Variants in PAPLN observed in about 807,000 individuals in gnomAD.
PAPLN encodes the protein papilin.
A neutral mutation model predicts 159.0 loss-of-function variants in PAPLN; 146 were observed. The ratio of observed to expected loss-of-function variants is 0.92; its 90% CI spans 0.80 to 1.05. The LOEUF is 1.05. PAPLN is among the 50% of genes least tolerant of loss of function. The pLI is 0.00. For synonymous variants in PAPLN, 734 were observed against 702.9 expected, an observed-to-expected ratio of 1.04 and a Z score of -0.70; for missense variants, 1,720 against 1,743.9, an observed-to-expected ratio of 0.99 and a Z score of 0.24.
chr14:73,260,740 G>A lies in PAPLN; in HGVS notation c.2017G>A (p.Ala673Thr), dbSNP rs59350887. Reference sequence around the variant, plus strand: ...GTGCTGCCCTGACAGGGTATCTGTCGCTGAGGGGCCCCATCACGCTGGCTG... The same window carrying A: ...GTGCTGCCCTGACAGGGTATCTGTCACTGAGGGGCCCCATCACGCTGGCTG... Reference protein sequence around the residue: ...YGCCPDRVSVAEGPHHAGCTK... With the variant: ...YGCCPDRVSVTEGPHHAGCTK... Residue 673 changes from alanine (A) to threonine (T), a missense_variant, in exon 17 of 27, where the codon GCT becomes ACT. Transcript: ENST00000644200. 1.1e-3 allele frequency: 1,602 copies of A among 1,474,248 alleles called. 24 individuals are homozygous for A. The African/African-American group carries it at 0.021, about 19-fold the overall frequency. 91.3% of individuals were successfully genotyped at this position (1,474,248 alleles called of 1,614,324 possible).
upstream of PAPLN, among the ~76,000 whole-genome samples, chr14:73,236,954 A>T (rs552911212): frequency 2.8e-5 from 4 of 140,570 alleles, no homozygotes; most frequent in South Asian, 8.5e-4. Flanking sequence ...AGGAAAGTAG[A>T]AAGAAAGAAA....
At position 73,254,927 on chromosome 14, in the gene PAPLN, C is replaced by T. The variant is rs73306804; in HGVS notation, c.1536C>T (p.Ala512=). The change falls in exon 14 of 27, where the codon GCC becomes GCT. Residue 512 remains alanine (A), a synonymous_variant. Transcript: ENST00000644200. ...SGTRRRQVIC[A]IGPPSHCGSL... ...CTCGGAGGCGACAGGTCATCTGTGC[C>T]ATTGGGCCGCCCAGCCACTGCGGGA... The T allele has an allele frequency of 3.3e-3, 5,365 of 1,613,426 alleles. 118 individuals carry two copies. The African/African-American group carries it at 0.051, about 15-fold the overall frequency.
Position 73,248,780 on chromosome 14 carries a change from C to T in PAPLN, c.335-1204C>T, listed in dbSNP as rs180879915. Among the ~76,000 whole-genome samples the T allele has an allele frequency of 3.8e-3, 578 of 152,082 alleles. 10 individuals are homozygous for T. The highest frequency in any genetic ancestry group is 1.6e-3 in the Non-Finnish European group (111 of 68,002). On this transcript the variant is annotated intron_variant, in intron 5 of 26. Coordinates refer to ENST00000644200, the MANE Select transcript of PAPLN (RefSeq NM_001365906.3). Reference sequence around the variant, plus strand: ...GAGGCTGCAGTGAGTCAAGATCACACCACTGCACTCCAGCCCGGACGACAG... The same window carrying T: ...GAGGCTGCAGTGAGTCAAGATCACATCACTGCACTCCAGCCCGGACGACAG...
rs1424170782 is a variant in PAPLN at position 73,262,685 on chromosome 14, G to A, written c.2581G>A (p.Asp861Asn). The change falls in exon 19 of 27, where the codon GAC becomes AAC. Residue 861 changes from aspartate to asparagine, a missense_variant. Coordinates refer to ENST00000644200, the MANE Select transcript of PAPLN (RefSeq NM_001365906.3). ...PWPSGGLWRQ[D>N]QQPGPGEAPH... Reference sequence around the variant, plus strand: ...GCCTTCTGGTGGTCTCTGGCGGCAAGACCAACAGCCTGGGCCAGGGGAGGC... The same window carrying A: ...GCCTTCTGGTGGTCTCTGGCGGCAAAACCAACAGCCTGGGCCAGGGGAGGC... 2.0e-6 allele frequency: 3 copies of A among 1,512,082 alleles called. No individual in the cohort carries two copies. Among genetic ancestry groups the A allele is most frequent in the Non-Finnish European group, 2.7e-6 (3 of 1,130,294 alleles). The allele number at this position is 1,512,082 out of a possible 1,614,324, so 93.7% of individuals were successfully genotyped here.
chr14:73,251,688 AC>A lies in PAPLN; in HGVS notation c.696del (p.Tyr233ThrfsTer239). On this transcript the variant is annotated frameshift_variant, in exon 9 of 27. Coordinates refer to ENST00000644200, the MANE Select transcript of PAPLN (RefSeq NM_001365906.3). LOFTEE classifies it high-confidence loss of function. ...FLAVKNVRGE[Y>X]YLNGHWTIEA... ...GCTGTGAAGAATGTTCGTGGGGAATACTACCTCAATGGGCACTGGACCATCG... is the reference window on the plus strand; with the variant it reads ...GCTGTGAAGAATGTTCGTGGGGAATATACCTCAATGGGCACTGGACCATCG... 6.2e-7 allele frequency: 1 copy of A among 1,613,444 alleles called. No individual in the cohort carries two copies. The highest frequency in any genetic ancestry group is 8.5e-7 in the Non-Finnish European group (1 of 1,179,996).
Position 73,252,776 on chromosome 14 carries a change from G to A in PAPLN, c.1094+1G>A, listed in dbSNP as rs143783319. ...TTCACCCTTGCCCGGAGACCAAGCG[G>A]TGAGACCTTGCCAGCCCCTCTACCC... On this transcript the variant is annotated splice_donor_variant, in intron 11 of 26. Transcript: ENST00000644200. LOFTEE classifies it high-confidence loss of function. The A allele has an allele frequency of 8.2e-4, 1,325 of 1,613,226 alleles. 6 individuals are homozygous for A. Among genetic ancestry groups the A allele is most frequent in the Middle Eastern group, 4.5e-3 (27 of 6,060 alleles).
In PAPLN at chr14:73,264,607, G is replaced by A. The variant is rs140801905; in HGVS notation, c.3006G>A (p.Leu1002=). 97 of 1,602,716 alleles carry A rather than the reference G, an allele frequency of 6.1e-5. No individual in the cohort carries two copies. The highest frequency in any genetic ancestry group is 1.7e-4 in the Middle Eastern group (1 of 6,026). Residue 1002 remains leucine (L), a synonymous_variant, in exon 22 of 27, where the codon CTG becomes CTA. Coordinates refer to ENST00000644200, the MANE Select transcript of PAPLN (RefSeq NM_001365906.3). ...LRIIGGDMAV[L]SEAELSRFPQ... is the part of the protein sequence containing the mutation. ...TGACAGGGGGTGACATGGCCGTGCTGTCTGAGGCTGAGCTGAGCCGCTTCC... is the reference window on the plus strand; with the variant it reads ...TGACAGGGGGTGACATGGCCGTGCTATCTGAGGCTGAGCTGAGCCGCTTCC...
rs376512934 is a variant in PAPLN, at chr14:73,260,701, C to T, written c.1986-8C>T. On this transcript the variant is annotated splice_polypyrimidine_tract_variant and splice_region_variant and intron_variant, in intron 16 of 26. Coordinates refer to ENST00000644200, the MANE Select transcript of PAPLN (RefSeq NM_001365906.3). The stretch of plus-strand genomic sequence containing the variant: ...TGGGCAGTGAGGGGCTGTGTGATGT[C>T]TGCCTAGGTACGGGTGCTGCCCTGA... 19 of 1,452,668 alleles carry T rather than the reference C, an allele frequency of 1.3e-5. No homozygotes were observed. Among genetic ancestry groups the T allele is most frequent in the Admixed American group, 5.3e-5 (2 of 37,650 alleles). 90.0% of individuals were successfully genotyped at this position (1,452,668 alleles called of 1,614,324 possible).
At chr14:73,256,219 C>T (rs1388441631) in intron 14 of PAPLN, among the ~76,000 whole-genome samples, 1 of 152,094 alleles carries the variant, frequency 6.6e-6, no homozygotes, top group Non-Finnish European at 1.5e-5. Flanking sequence ...CAGGGACTAG[C>T]AGGACCCATA....
rs1884110002 is a variant in PAPLN at position 73,245,423 on chromosome 14, G to C, written c.171-213G>C. ...GTCCCGCCTTAAATCCAAACTATAG[G>C]GTGGGTAGGGCTCTGAGTCCCGCTT... On this transcript the variant is annotated intron_variant, in intron 3 of 26. Transcript: ENST00000644200. The surrounding 1 kb of genome is among the most constrained non-coding windows in gnomAD (Gnocchi z 4.2). The C allele has an allele frequency of 3.5e-6, 2 of 579,684 alleles. No individual in the cohort carries two copies. The highest frequency in any genetic ancestry group is 1.9e-5 in the African/African-American group (1 of 53,224). The allele number at this position is 579,684 out of a possible 1,614,324, so 35.9% of individuals were successfully genotyped here.
At chr14:73,244,128 A>AT (rs879444334) in intron 2 of PAPLN, 31 of 156,366 alleles carry the variant, frequency 2.0e-4, no homozygotes, top group Admixed American at 1.2e-3. Flanking sequence ...CAGGAAATGT[A>AT]TTTTTTTTTT....
intron 18 of PAPLN, 72 bp from the exon 19 acceptor site, chr14:73,262,278 G>A: frequency 7.0e-7 from 1 of 1,427,190 alleles, no homozygotes; most frequent in Non-Finnish European, 9.6e-7. Flanking sequence ...CTGAGTCGGA[G>A]GCTGAGAGGA....
Position 73,245,669 on chromosome 14 carries a change from C to T in PAPLN, c.204C>T (p.Ala68=). ...GAGGCTCCAGCTGCGTGGGCCCCGC[C>T]CGGAGCCACCGCTCTTGTCGCACGG... The part of the protein sequence containing the change: ...RDGGSSCVGP[A]RSHRSCRTES... The change falls in exon 4 of 27, where the codon GCC becomes GCT. Residue 68 remains alanine (A), a synonymous_variant. Coordinates refer to ENST00000644200, the MANE Select transcript of PAPLN (RefSeq NM_001365906.3). The surrounding 1 kb of genome is among the most constrained non-coding windows in gnomAD (Gnocchi z 4.2). 1 of 1,556,076 alleles carries T rather than the reference C, an allele frequency of 6.4e-7. No individual in the cohort carries two copies. The highest frequency in any genetic ancestry group is 8.7e-7 in the Non-Finnish European group (1 of 1,152,800).
chr14:73,240,744 A>G (rs1315264374), intron 2 of PAPLN, among the ~76,000 whole-genome samples: 1 of 152,202 alleles, frequency 6.6e-6, no homozygotes, highest in African/African-American at 2.4e-5. Context: ...GGCTCTCTGG[A>G]GAAGGTCCCT....
At chr14:73,263,491 C>G (rs894074270) in intron 19 of PAPLN, 154 bp from the exon 20 acceptor site, 17 of 922,042 alleles carry the variant, frequency 1.8e-5, no homozygotes, top group South Asian at 1.1e-4. Flanking sequence ...AATCCATGGG[C>G]TTCTGGGGCT....
chr14:73,267,997 C>T (rs2140308881), intron 25 of PAPLN, among the ~76,000 whole-genome samples: 1 of 152,138 alleles, frequency 6.6e-6, no homozygotes, highest in Middle Eastern at 3.4e-3. Flanking sequence ...TGTTCCAGGA[C>T]ACTGTCCTGG....
intron 6 of PAPLN, 105 bp downstream of exon 6, chr14:73,250,219 G>C (rs1209901515): frequency 1.4e-6 from 2 of 1,397,458 alleles, no homozygotes; most frequent in Admixed American, 2.9e-5. Context: ...CATGAGCTTG[G>C]TGTCTTCTCA....
At chr14:73,266,879 T>G in intron 25 of PAPLN, 48 bp downstream of exon 25, 17 of 1,519,382 alleles carry the variant, frequency 1.1e-5, no homozygotes, top group Non-Finnish European at 1.5e-5. Context: ...CTTCACAACC[T>G]CAGGTGTGGG....
chr14:73,249,598 A>T (rs1015428104), intron 5 of PAPLN, among the ~76,000 whole-genome samples: 1 of 141,632 alleles, frequency 7.1e-6, no homozygotes, highest in Admixed American at 7.8e-5. Flanking sequence ...TGCTTAAACT[A>T]GGGAGGCGGA....
Sources: gnomAD v4.1 joint callset for allele counts (sites outside exome capture counted in the v4.1 genomes callset) on GRCh38, gnomAD v4.1.1 for gene constraint, Gnocchi (gnomAD v3.1) non-coding constraint, MANE v1.5 for transcripts, NCBI Gene and HGNC (gene_info 2026-07-23, HGNC 2026-07-21) for gene names.